Variants in ST8SIA5 observed in about 807,000 individuals in gnomAD.
ST8SIA5 encodes alpha-2,8-sialyltransferase 8E.
ST8SIA5 carries 24 observed loss-of-function variants against 40.2 expected under a neutral mutation model. That is an observed-to-expected ratio of 0.60 (90% CI 0.43 to 0.84). The LOEUF (loss-of-function observed/expected upper bound fraction) is 0.84. Among genes scored for constraint, ST8SIA5 ranks in the 40% least tolerant of loss-of-function variants. ST8SIA5 has a pLI of 0.00. For missense variants in ST8SIA5, 465 were observed against 498.5 expected, an observed-to-expected ratio of 0.93 and a Z score of 0.64; for synonymous variants, 198 against 201.8, an observed-to-expected ratio of 0.98 and a Z score of 0.16.
intron 1 of ST8SIA5, among the ~76,000 whole-genome samples, chr18:46,711,271 G>A (rs2039729746): frequency 6.6e-6 from 1 of 152,156 alleles, no homozygotes; most frequent in Non-Finnish European, 1.5e-5. Flanking sequence ...AACTGTCCAT[G>A]ACAGCCTGAT....
chr18:46,744,574 A>G (rs898641675), intron 1 of ST8SIA5, among the ~76,000 whole-genome samples: 5 of 152,214 alleles, frequency 3.3e-5, no homozygotes, highest in African/African-American at 1.2e-4. Context: ...GCAAGTCCTT[A>G]GATACCTACA....
In ST8SIA5 at chr18:46,677,806, C is replaced by T. The variant is rs556135704; in HGVS notation, c.*2236G>A. ...GTCTGTGTCACCAGGGAGCCTCCCC[C>T]AAACACTGCCCATCTGGAACATAAC... is the stretch of plus-strand genomic sequence containing the variant. On this transcript the variant is annotated 3_prime_UTR_variant, in exon 7 of 7. Transcript: ENST00000315087. 4.6e-5 allele frequency: 7 copies of T among 152,380 alleles called. No homozygotes were observed. Among genetic ancestry groups the T allele is most frequent in the South Asian group, 2.1e-4 (1 of 4,826 alleles). The allele number at this position is 152,380 out of a possible 1,614,324, so 9.4% of individuals were successfully genotyped here.
rs1348465217 is a variant in ST8SIA5 at position 46,680,471 on chromosome 18, G to A, written c.702C>T (p.Arg234=). The A allele has an allele frequency of 3.1e-6, 5 of 1,599,070 alleles. No homozygotes were observed. Among genetic ancestry groups the A allele is most frequent in the Admixed American group, 3.4e-5 (2 of 59,128 alleles). The change falls in exon 7 of 7, where the codon CGC becomes CGT. Residue 234 remains arginine (R), a synonymous_variant. Coordinates refer to ENST00000315087, the MANE Select transcript of ST8SIA5 (RefSeq NM_013305.6). Reference sequence around the variant, plus strand: ...ACGCGTTCTCGTACACCTGCAGCACGCGATAGAACGGCCGCCGCCACTTCT... The same window carrying A: ...ACGCGTTCTCGTACACCTGCAGCACACGATAGAACGGCCGCCGCCACTTCT... ...KLEKWRRPFY[R]VLQVYENASV...
At chr18:46,754,037 C>A (rs1568284388) in intron 1 of ST8SIA5, among the ~76,000 whole-genome samples, 1 of 152,174 alleles carries the variant, frequency 6.6e-6, no homozygotes, top group East Asian at 1.9e-4. Context: ...TGTTTGTAGA[C>A]AGGAGACAGA....
At chr18:46,707,421 G>C (rs2039680441) in intron 1 of ST8SIA5, among the ~76,000 whole-genome samples, 1 of 152,130 alleles carries the variant, frequency 6.6e-6, no homozygotes, top group African/African-American at 2.4e-5. Flanking sequence ...AACTAGGGTA[G>C]TACCTCCTCT....
At position 46,678,754 on chromosome 18, in the gene ST8SIA5, C is replaced by G. The variant is rs912235407; in HGVS notation, c.*1288G>C. 6 of 152,286 alleles carry G rather than the reference C, an allele frequency of 3.9e-5. No homozygotes were observed. The highest frequency in any genetic ancestry group is 1.4e-4 in the African/African-American group (6 of 41,454). 9.4% of individuals were successfully genotyped at this position (152,286 alleles called of 1,614,324 possible). On this transcript the variant is annotated 3_prime_UTR_variant, in exon 7 of 7. Coordinates refer to ENST00000315087, the MANE Select transcript of ST8SIA5 (RefSeq NM_013305.6). The stretch of plus-strand genomic sequence containing the variant: ...GTAGGCTGAAGTCCTCCTCCCAGCA[C>G]TAACATCCTATGATTCCACAAAGCT...
At chr18:46,729,734 G>C (rs1455116884) in intron 1 of ST8SIA5, among the ~76,000 whole-genome samples, 3 of 152,240 alleles carry the variant, frequency 2.0e-5, no homozygotes, top group African/African-American at 7.2e-5. Flanking sequence ...GACTCCAAAA[G>C]AATGACAGTG....
At chr18:46,681,464 G>A (rs2039395232) in intron 6 of ST8SIA5, among the ~76,000 whole-genome samples, 1 of 152,174 alleles carries the variant, frequency 6.6e-6, no homozygotes, top group Non-Finnish European at 1.5e-5. Flanking sequence ...CGGGGCTAGG[G>A]TTTCAACACT....
In ST8SIA5 at chr18:46,733,942, C is replaced by T. The variant is rs114342841; in HGVS notation, c.131+22436G>A. Among the ~76,000 whole-genome samples, 1,497 of 152,194 alleles carry T rather than the reference C, an allele frequency of 9.8e-3. 27 individuals are homozygous for T. Among genetic ancestry groups the T allele is most frequent in the African/African-American group, 0.035 (1,442 of 41,498 alleles). On this transcript the variant is annotated intron_variant, in intron 1 of 6. Coordinates refer to ENST00000315087, the MANE Select transcript of ST8SIA5 (RefSeq NM_013305.6). The stretch of plus-strand genomic sequence containing the variant: ...TCTCTGGAGGAGCCAAGAACTCAGC[C>T]AGGAGTCTCTGTGGGCTGGGCCCAG...
chr18:46,689,856 T>C (rs2039487051), intron 3 of ST8SIA5, among the ~76,000 whole-genome samples: 1 of 151,878 alleles, frequency 6.6e-6, no homozygotes, highest in Non-Finnish European at 1.5e-5. Context: ...CCCAAAGTGC[T>C]GGGATTACAG....
At chr18:46,681,562 G>A (rs1270342224) in intron 6 of ST8SIA5, among the ~76,000 whole-genome samples, 1 of 152,154 alleles carries the variant, frequency 6.6e-6, no homozygotes, top group East Asian at 1.9e-4. Context: ...GTACCTCCTG[G>A]ACACAGCCAG....
intron 2 of ST8SIA5, among the ~76,000 whole-genome samples, chr18:46,696,958 G>A (rs1249140042): frequency 2.6e-5 from 4 of 152,062 alleles, no homozygotes; most frequent in African/African-American, 9.7e-5. Flanking sequence ...GAGGTGGGTG[G>A]AGGATGGGGA....
intron 1 of ST8SIA5, among the ~76,000 whole-genome samples, chr18:46,754,525 C>A (rs1467349072): frequency 1.3e-5 from 2 of 152,200 alleles, no homozygotes; most frequent in Admixed American, 6.5e-5. Context: ...TACAGGCACG[C>A]TTCCAGGATC....
At chr18:46,724,665 C>T (rs112258731) in intron 1 of ST8SIA5, among the ~76,000 whole-genome samples, 2 of 152,236 alleles carry the variant, frequency 1.3e-5, no homozygotes, top group East Asian at 1.9e-4. Flanking sequence ...TTCCTACAAA[C>T]GCCTCATGCA....
At chr18:46,715,617 G>A (rs1473724685) in intron 1 of ST8SIA5, among the ~76,000 whole-genome samples, 1 of 151,288 alleles carries the variant, frequency 6.6e-6, no homozygotes, top group Non-Finnish European at 1.5e-5. Context: ...GGAGTACAGT[G>A]GCATGCTCTC....
chr18:46,701,747 G>A (rs912603904), intron 2 of ST8SIA5, among the ~76,000 whole-genome samples: 1 of 152,194 alleles, frequency 6.6e-6, no homozygotes, highest in Non-Finnish European at 1.5e-5. Context: ...TACATGCATA[G>A]AGGGATGGGA....
chr18:46,688,957 A>C (rs1192214917), intron 3 of ST8SIA5, 38 bp from the exon 4 acceptor site: 2 of 1,590,348 alleles, frequency 1.3e-6, no homozygotes, highest in South Asian at 1.1e-5. Context: ...GACGTGATGC[A>C]GGAAAGATGT....
chr18:46,735,447 T>A (rs541634708), intron 1 of ST8SIA5, among the ~76,000 whole-genome samples: 19 of 152,374 alleles, frequency 1.2e-4, no homozygotes, highest in Admixed American at 5.2e-4. Flanking sequence ...TATATAATTT[T>A]AAATTTTCTG....
At chr18:46,727,708 C>T (rs543084306) in intron 1 of ST8SIA5, among the ~76,000 whole-genome samples, 1 of 152,256 alleles carries the variant, frequency 6.6e-6, no homozygotes, top group Non-Finnish European at 1.5e-5. Flanking sequence ...AGATTTACAA[C>T]CTGCCCAGAT....
Sources: allele counts gnomAD v4.1 joint callset (sites outside exome capture counted in the v4.1 genomes callset), GRCh38; gene constraint gnomAD v4.1.1; transcripts MANE v1.5; gene names NCBI Gene and HGNC (gene_info 2026-07-23, HGNC 2026-07-21).